The following FRMD6 variants were observed in gnomAD, a reference collection of about 807,000 sequenced individuals.
The protein encoded by FRMD6 is FERM domain-containing protein 6.
Under a neutral mutation model 73.2 loss-of-function variants are expected in FRMD6, and 37 were observed. That is an observed-to-expected ratio of 0.51 (90% CI 0.39 to 0.66). The LOEUF (loss-of-function observed/expected upper bound fraction) is 0.66. Ranked by LOEUF, FRMD6 falls within the 30% of genes least tolerant of loss-of-function variation. The pLI, the probability that FRMD6 is intolerant of heterozygous loss-of-function variation, is 0.00. For synonymous variants in FRMD6, 273 were observed against 282.2 expected (o/e 0.97, Z 0.33); for missense variants, 714 against 780.5 (o/e 0.91, Z 1.02).
At chr14:51,542,744 T>C (rs1886268460) in intron 1 of FRMD6, among the ~76,000 whole-genome samples, 1 of 152,080 alleles carries the variant, frequency 6.6e-6, no homozygotes, top group Non-Finnish European at 1.5e-5. Flanking sequence ...AGCAGCAATG[T>C]GGTTCCAATT....
intron 1 of FRMD6, among the ~76,000 whole-genome samples, chr14:51,662,550 G>A (rs943690610): frequency 6.6e-6 from 1 of 152,184 alleles, no homozygotes; most frequent in South Asian, 2.1e-4. Flanking sequence ...AATGGGGAAA[G>A]AATTCCCTAT....
At chr14:51,460,177 C>A in the FRMD6 span, among the ~76,000 whole-genome samples, 2 of 152,036 alleles carry the variant, frequency 1.3e-5, no homozygotes, top group Non-Finnish European at 2.9e-5. Context: ...TTGGAGAAAA[C>A]AGTTAGAAAC....
At chr14:51,616,956 C>G (rs1284316726) in intron 2 of FRMD6, among the ~76,000 whole-genome samples, 1 of 152,196 alleles carries the variant, frequency 6.6e-6, no homozygotes. Context: ...ATTTTATACA[C>G]TTCCCTTTTT....
At chr14:51,608,062 A>G (rs1480287224) in intron 2 of FRMD6, among the ~76,000 whole-genome samples, 1 of 152,030 alleles carries the variant, frequency 6.6e-6, no homozygotes, top group Non-Finnish European at 1.5e-5. Flanking sequence ...TCCCAAACCC[A>G]GCTATTTACT....
intron 2 of FRMD6, among the ~76,000 whole-genome samples, chr14:51,608,257 G>C (rs1890345377): frequency 6.6e-6 from 1 of 152,190 alleles, no homozygotes; most frequent in East Asian, 1.9e-4. Flanking sequence ...TTGCCAGAGA[G>C]AGTAGCCTGG....
At chr14:51,501,777 C>G (rs1477873399) in intron 1 of FRMD6, among the ~76,000 whole-genome samples, 2 of 152,146 alleles carry the variant, frequency 1.3e-5, no homozygotes, top group African/African-American at 4.8e-5. Flanking sequence ...ATTTCTGCCT[C>G]TGGGTCTTTG....
chr14:51,551,330 G>A (rs992596879), intron 1 of FRMD6, among the ~76,000 whole-genome samples: 2 of 152,084 alleles, frequency 1.3e-5, no homozygotes, highest in Non-Finnish European at 2.9e-5. Context: ...TAGGTTCATC[G>A]TAGAAGAAAA....
chr14:51,609,282 C>G (rs1453769125), intron 2 of FRMD6, among the ~76,000 whole-genome samples: 2 of 152,194 alleles, frequency 1.3e-5, no homozygotes, highest in African/African-American at 4.8e-5. Flanking sequence ...CTGGTTGCAT[C>G]AATATTATCG....
chr14:51,403,471 T>G, the FRMD6 span, among the ~76,000 whole-genome samples: 111,432 of 151,992 alleles, frequency 0.73, 41,248 homozygotes, highest in East Asian at 0.84. Context: ...CACGATCATG[T>G]CTCACTGCAG....
At position 51,722,092 on chromosome 14, in the gene FRMD6, C is replaced by T. The variant is rs558885806; in HGVS notation, c.1492+12C>T. The T allele has an allele frequency of 6.5e-5, 105 of 1,613,312 alleles. No homozygotes were observed. In the South Asian group the frequency reaches 6.7e-4, roughly 10 times the overall value. On this transcript the variant is annotated intron_variant, in intron 12 of 13. Transcript: ENST00000344768. ...GAATGGACACTCTGGTGAGCTCTTA[C>T]GGGAAGTTATTCTTCCTTGGTAGCA... is the stretch of plus-strand genomic sequence containing the variant.
the FRMD6 span, among the ~76,000 whole-genome samples, chr14:51,448,489 T>C: frequency 1.3e-5 from 2 of 152,364 alleles, no homozygotes; most frequent in Admixed American, 6.5e-5. Flanking sequence ...TAGTGTTTGC[T>C]GAAATGAATT....
the FRMD6 span, among the ~76,000 whole-genome samples, chr14:51,403,125 A>G: frequency 6.6e-6 from 1 of 152,226 alleles, no homozygotes; most frequent in East Asian, 1.9e-4. Flanking sequence ...AAAAGATAAA[A>G]GTAGATATAT....
At chr14:51,533,158 C>T (rs1260486571) in intron 1 of FRMD6, among the ~76,000 whole-genome samples, 1 of 152,194 alleles carries the variant, frequency 6.6e-6, no homozygotes, top group Non-Finnish European at 1.5e-5. Context: ...AAGAGAGGAC[C>T]ATTCAGAGGA....
chr14:51,459,338 A>G, the FRMD6 span, among the ~76,000 whole-genome samples: 1 of 152,156 alleles, frequency 6.6e-6, no homozygotes, highest in Non-Finnish European at 1.5e-5. Flanking sequence ...GGCCACTTGA[A>G]ATGACTAGGC....
At chr14:51,476,946 A>C in the FRMD6 span, among the ~76,000 whole-genome samples, 1 of 152,388 alleles carries the variant, frequency 6.6e-6, no homozygotes, top group Non-Finnish European at 1.5e-5. Flanking sequence ...CCAGTAAAGT[A>C]GAACACAAAT....
intron 1 of FRMD6, among the ~76,000 whole-genome samples, chr14:51,680,042 G>T (rs1445710875): frequency 6.6e-6 from 1 of 152,198 alleles, no homozygotes; most frequent in Non-Finnish European, 1.5e-5. Flanking sequence ...CATTGGTTGA[G>T]TTAACAAAGA....
In FRMD6 at chr14:51,698,156, T is replaced by G; in HGVS notation, c.114T>G (p.Cys38Trp). ...LNIIINVKILCHQLLVQVCDL... is the reference protein window; with the variant it reads ...LNIIINVKILWHQLLVQVCDL... ...TTCCCCTACAGGTTAAGATTCTGTG[T>G]CACCAGTTGCTGGTCCAGGTTTGTG... is the stretch of plus-strand genomic sequence containing the variant. The change falls in exon 3 of 14, where the codon TGT becomes TGG. Residue 38 changes from cysteine to tryptophan, a missense_variant. By Grantham distance (215) the Cys-to-Trp change is radical. Transcript: ENST00000344768. The G allele has an allele frequency of 6.2e-7, 1 of 1,612,122 alleles. No homozygotes were observed. Among genetic ancestry groups the G allele is most frequent in the Non-Finnish European group, 8.5e-7 (1 of 1,178,600 alleles).
At chr14:51,418,941 C>T in the FRMD6 span, among the ~76,000 whole-genome samples, 3 of 152,192 alleles carry the variant, frequency 2.0e-5, no homozygotes, top group African/African-American at 4.8e-5. Flanking sequence ...CAGACTGCTG[C>T]GCTAGAAGTA....
intron 1 of FRMD6, among the ~76,000 whole-genome samples, chr14:51,502,512 T>A (rs997132108): frequency 2.6e-5 from 4 of 152,094 alleles, no homozygotes; most frequent in African/African-American, 9.7e-5. Context: ...TGATTATAGG[T>A]GTCTGGTTTT....
Sources: allele counts gnomAD v4.1 joint callset (sites outside exome capture counted in the v4.1 genomes callset), GRCh38; gene constraint gnomAD v4.1.1; transcripts MANE v1.5; gene names NCBI Gene and HGNC (gene_info 2026-07-23, HGNC 2026-07-21).